MGAT4C: variants seen among roughly 807,000 people sequenced by gnomAD.
MGAT4C encodes alpha-1,3-mannosyl-glycoprotein 4-beta-N-acetylglucosaminyltransferase C.
In MGAT4C, 19 loss-of-function variants were observed where a neutral mutation model predicts 40.1. The observed-to-expected ratio is 0.47, with a 90% CI of 0.33 to 0.70. MGAT4C has a LOEUF of 0.70. Ranked by LOEUF, MGAT4C falls within the 30% of genes least tolerant of loss-of-function variation. MGAT4C has a pLI of 0.02. For synonymous variants in MGAT4C, 181 were observed against 187.1 expected, an observed-to-expected ratio of 0.97 and a Z score of 0.27; for missense variants, 491 against 563.2, an observed-to-expected ratio of 0.87 and a Z score of 1.30.
chr12:85,958,799 A>G lies in MGAT4C; in HGVS notation c.*20490T>C, dbSNP rs1882957127. 1 of 152,100 alleles carries G rather than the reference A, an allele frequency of 6.6e-6. No individual in the cohort carries two copies. Among genetic ancestry groups the G allele is most frequent in the Non-Finnish European group, 1.5e-5 (1 of 67,998 alleles). 9.4% of individuals were successfully genotyped at this position (152,100 alleles called of 1,614,324 possible). A position where few individuals can be genotyped will look rare whatever the true frequency, so the allele number is the denominator to read the frequency against. On this transcript the variant is annotated 3_prime_UTR_variant, in exon 5 of 5. Coordinates refer to ENST00000611864, the MANE Select transcript of MGAT4C (RefSeq NM_001351288.2). Reference sequence around the variant, plus strand: ...AAAGCTCCTTCAAAAACATAAATGTATTCTTTAGAGAGTTAAAAAAAGTAG... The same window carrying G: ...AAAGCTCCTTCAAAAACATAAATGTGTTCTTTAGAGAGTTAAAAAAAGTAG...
intron 2 of MGAT4C, among the ~76,000 whole-genome samples, chr12:86,705,994 A>T (rs1474037289): frequency 6.6e-6 from 1 of 152,204 alleles, no homozygotes; most frequent in African/African-American, 2.4e-5. Context: ...TAGAGGCAAG[A>T]GTCATTCAAT....
At chr12:86,322,753 C>T (rs1369379609) in intron 4 of MGAT4C, among the ~76,000 whole-genome samples, 1 of 151,808 alleles carries the variant, frequency 6.6e-6, no homozygotes, top group African/African-American at 2.4e-5. Context: ...TTTACAAGTC[C>T]AATAACGTGT....
chr12:86,241,743 T>C (rs1267675688), intron 1 of MGAT4C, among the ~76,000 whole-genome samples: 1 of 152,158 alleles, frequency 6.6e-6, no homozygotes, highest in Non-Finnish European at 1.5e-5. Context: ...GAAAGCACTT[T>C]ATAAAGTGCC....
rs890179923 is a variant in MGAT4C at position 86,684,877 on chromosome 12, G to A, written c.-229+42332C>T. Among the ~76,000 whole-genome samples the A allele has an allele frequency of 5.3e-5, 8 of 151,046 alleles. No individual in the cohort carries two copies. In the South Asian group the frequency reaches 1.5e-3, roughly 28 times the overall value. On this transcript the variant is annotated intron_variant, in intron 2 of 7. Coordinates refer to the MGAT4C transcript ENST00000548651. Reference sequence around the variant, plus strand: ...TCATATCATTCACCAACTTTTTGATGGGTTTTTTGTTTTTTTCTGGTGAAT... The same window carrying A: ...TCATATCATTCACCAACTTTTTGATAGGTTTTTTGTTTTTTTCTGGTGAAT...
intron 2 of MGAT4C, among the ~76,000 whole-genome samples, chr12:86,620,598 A>G (rs546955700): frequency 3.0e-4 from 45 of 152,202 alleles, no homozygotes; most frequent in African/African-American, 1.1e-3. Flanking sequence ...AAAATTACCT[A>G]TTGGGTACAA....
In MGAT4C at chr12:86,578,848, C is replaced by T. The variant is rs935898736; in HGVS notation, c.-228-143583G>A. On this transcript the variant is annotated intron_variant, in intron 2 of 7. Coordinates refer to the MGAT4C transcript ENST00000548651. ...TTTGTATTTTTTATTTCATCTATTT[C>T]TGCTCTGATCTTTATTTTTTTCTTC... 1.7e-4 allele frequency among the ~76,000 whole-genome samples: 26 copies of T among 151,320 alleles called. 1 individual carries two copies. The highest frequency in any genetic ancestry group is 6.8e-3 in the Middle Eastern group (2 of 294).
chr12:86,718,441 GGGGTTA>G (rs1950684734), intron 2 of MGAT4C, among the ~76,000 whole-genome samples: 1 of 152,128 alleles, frequency 6.6e-6, no homozygotes, highest in Admixed American at 6.5e-5. Flanking sequence ...GTCTGAGGAT[GGGGTTA>G]TCTTAAAAGG....
intron 1 of MGAT4C, among the ~76,000 whole-genome samples, chr12:86,754,036 T>G (rs1267567878): frequency 6.6e-6 from 1 of 152,180 alleles, no homozygotes; most frequent in Non-Finnish European, 1.5e-5. Context: ...GAGACTTGTA[T>G]GTAAGCATTC....
At chr12:86,409,955 T>C (rs966486110) in intron 3 of MGAT4C, among the ~76,000 whole-genome samples, 4 of 152,132 alleles carry the variant, frequency 2.6e-5, no homozygotes, top group Admixed American at 2.0e-4. Context: ...AGGTCTGTGA[T>C]GTCTGCCTGA....
Position 86,419,062 on chromosome 12 carries a change from C to T in MGAT4C, c.-120+16095G>A, listed in dbSNP as rs541708370. On this transcript the variant is annotated intron_variant, in intron 3 of 7. Coordinates refer to the MGAT4C transcript ENST00000548651. ...CAGAACAGCAAAACAAAACCTTTTC[C>T]AAAATTTCATCTATATAGTGTGTTT... Among the ~76,000 whole-genome samples the T allele has an allele frequency of 5.3e-5, 8 of 152,092 alleles. No individual in the cohort carries two copies. The South Asian group carries it at 1.7e-3, about 32-fold the overall frequency.
chr12:86,726,514 T>C (rs1338268688), intron 2 of MGAT4C, among the ~76,000 whole-genome samples: 1 of 152,218 alleles, frequency 6.6e-6, no homozygotes, highest in East Asian at 1.9e-4. Context: ...TTGATTTTTT[T>C]ACTGGACAAA....
chr12:86,458,421 C>A (rs1453446642), intron 2 of MGAT4C, among the ~76,000 whole-genome samples: 1 of 152,110 alleles, frequency 6.6e-6, no homozygotes, highest in African/African-American at 2.4e-5. Context: ...ATGGTATTAT[C>A]CTGAATCTAC....
At chr12:86,368,546 A>G (rs1384959312) in intron 3 of MGAT4C, among the ~76,000 whole-genome samples, 3 of 149,442 alleles carry the variant, frequency 2.0e-5, no homozygotes, top group East Asian at 1.9e-4. Flanking sequence ...CTTCCATCTT[A>G]GCACTGCTTT....
chr12:86,387,140 G>C (rs1206589654), intron 3 of MGAT4C, among the ~76,000 whole-genome samples: 2 of 152,022 alleles, frequency 1.3e-5, no homozygotes, highest in Non-Finnish European at 2.9e-5. Context: ...CAAATACAAA[G>C]TGTACATAGT....
At chr12:86,227,554 A>G (rs1306103533) in intron 1 of MGAT4C, among the ~76,000 whole-genome samples, 1 of 151,964 alleles carries the variant, frequency 6.6e-6, no homozygotes, top group African/African-American at 2.4e-5. Context: ...AACATACTTC[A>G]GCACACGTAT....
rs926211818 is a variant in MGAT4C at position 86,296,880 on chromosome 12, C to T, written c.-57+37185G>A. Reference sequence around the variant, plus strand: ...GGCCAAAGGGCTCCTCAAGTGCCGCCGAAGTGGGAGCCCAGGCAGAGGAAG... The same window carrying T: ...GGCCAAAGGGCTCCTCAAGTGCCGCTGAAGTGGGAGCCCAGGCAGAGGAAG... On this transcript the variant is annotated intron_variant, in intron 4 of 7. Transcript: ENST00000548651. 2.6e-5 allele frequency among the ~76,000 whole-genome samples: 4 copies of T among 152,218 alleles called. No individual in the cohort carries two copies. The East Asian group carries it at 7.7e-4, about 29-fold the overall frequency.
intron 2 of MGAT4C, among the ~76,000 whole-genome samples, chr12:86,029,920 C>G (rs1397707755): frequency 6.6e-6 from 1 of 151,764 alleles, no homozygotes; most frequent in Non-Finnish European, 1.5e-5. Context: ...AGTATAGAAA[C>G]AGTTATTTAA....
intron 1 of MGAT4C, among the ~76,000 whole-genome samples, chr12:86,228,855 A>C (rs1285257728): frequency 6.6e-6 from 1 of 151,912 alleles, no homozygotes; most frequent in Non-Finnish European, 1.5e-5. Context: ...AAACAAATAC[A>C]GCCTGTCAAC....
intron 4 of MGAT4C, 108 bp from the exon 5 acceptor site, chr12:85,980,538 A>AGC: frequency 5.3e-6 from 5 of 946,296 alleles, no homozygotes; most frequent in Non-Finnish European, 7.7e-6. Context: ...CATATTAAGT[A>AGC]AATCTAGTAA....
Sources: allele counts gnomAD v4.1 joint callset (sites outside exome capture counted in the v4.1 genomes callset), GRCh38; gene constraint gnomAD v4.1.1; transcripts MANE v1.5; gene names NCBI Gene and HGNC (gene_info 2026-07-23, HGNC 2026-07-21).